The following RANBP2 variants were observed in gnomAD, a reference collection of about 807,000 sequenced individuals.
RANBP2 encodes E3 SUMO-protein ligase RanBP2.
In RANBP2, 57 loss-of-function variants were observed where a neutral mutation model predicts 303.6. The observed-to-expected ratio is 0.19, with a 90% CI of 0.15 to 0.23. The LOEUF is 0.23. RANBP2 is among the 10% of genes least tolerant of loss of function. The pLI, the probability that RANBP2 is intolerant of heterozygous loss-of-function variation, is 1.00. For missense variants in RANBP2, 3,138 were observed against 3,780.8 expected, an observed-to-expected ratio of 0.83 and a Z score of 4.46; for synonymous variants, 1,167 against 1,301.5, an observed-to-expected ratio of 0.90 and a Z score of 2.23.
rs371034684 is a variant in RANBP2 at position 108,765,784 on chromosome 2, T to G, written c.5245T>G (p.Cys1749Gly). The G allele has an allele frequency of 3.7e-6, 6 of 1,613,712 alleles. No homozygotes were observed. Among genetic ancestry groups the G allele is most frequent in the African/African-American group, 2.7e-5 (2 of 74,784 alleles). ...ASATKCIACQ[C>G]PSKQNQTTAI... Reference sequence around the variant, plus strand: ...TGCTACCAAATGTATTGCTTGTCAGTGTCCAAGTAAACAAAATCAAACAAC... The same window carrying G: ...TGCTACCAAATGTATTGCTTGTCAGGGTCCAAGTAAACAAAATCAAACAAC... Residue 1749 changes from cysteine (C) to glycine (G), a missense_variant, in exon 20 of 29, where the codon TGT (cysteine) becomes GGT (glycine). Around this residue, in one of 20 missense-constraint regions of RANBP2, gnomAD observed 348 missense variants for 360.4 expected, o/e 0.97. Transcript: ENST00000283195.
chr2:109,620,679 G>A, the RANBP2 span, among the ~76,000 whole-genome samples: 1 of 152,068 alleles, frequency 6.6e-6, no homozygotes, highest in African/African-American at 2.4e-5. Context: ...TCCAGCCTGG[G>A]CATCACAGCG....
the RANBP2 span, among the ~76,000 whole-genome samples, chr2:109,718,492 T>A: frequency 6.6e-6 from 1 of 152,210 alleles, no homozygotes; most frequent in African/African-American, 2.4e-5. Flanking sequence ...GGATTACATT[T>A]ATACAAAAGT....
the RANBP2 span, among the ~76,000 whole-genome samples, chr2:109,702,909 G>T: frequency 6.6e-6 from 1 of 151,700 alleles, no homozygotes; most frequent in African/African-American, 2.4e-5. Flanking sequence ...CCAGACCTCA[G>T]CTCCGGTATG....
the RANBP2 span, chr2:109,449,032 A>G: frequency 1.0e-5 from 10 of 1,001,250 alleles, no homozygotes; most frequent in Non-Finnish European, 1.4e-5. Flanking sequence ...TGAAGAGGCC[A>G]GGTCTGTCTG....
chr2:108,761,800 T>C (rs1676748188), intron 18 of RANBP2, among the ~76,000 whole-genome samples: 1 of 152,174 alleles, frequency 6.6e-6, no homozygotes, highest in Admixed American at 6.6e-5. Flanking sequence ...TACTGATCTT[T>C]CTTAGAAAAG....
the RANBP2 span, among the ~76,000 whole-genome samples, chr2:109,430,245 A>C: frequency 2.0e-5 from 3 of 152,248 alleles, no homozygotes; most frequent in East Asian, 5.8e-4. Flanking sequence ...CACTGAAGCA[A>C]ACTGTTTTGA....
At chr2:109,354,204 T>C in the RANBP2 span, among the ~76,000 whole-genome samples, 1 of 152,088 alleles carries the variant, frequency 6.6e-6, no homozygotes, top group African/African-American at 2.4e-5. Context: ...GGTTGGGCCC[T>C]GTGTGTGTGG....
chr2:109,625,036 G>A, the RANBP2 span, among the ~76,000 whole-genome samples: 1 of 141,842 alleles, frequency 7.1e-6, no homozygotes, highest in Non-Finnish European at 1.5e-5. Context: ...AGTGGAGATG[G>A]CACCACTGCA....
chr2:109,289,439 A>G, the RANBP2 span, among the ~76,000 whole-genome samples: 1 of 152,110 alleles, frequency 6.6e-6, no homozygotes. Flanking sequence ...GGATTTCTTG[A>G]TGCTACATGT....
At chr2:109,372,411 G>A in the RANBP2 span, among the ~76,000 whole-genome samples, 2 of 152,202 alleles carry the variant, frequency 1.3e-5, no homozygotes, top group East Asian at 1.9e-4. Context: ...GTGCACATTG[G>A]TGAGCTGACC....
chr2:109,204,618 T>TC, the RANBP2 span, among the ~76,000 whole-genome samples: 1 of 152,220 alleles, frequency 6.6e-6, no homozygotes, highest in African/African-American at 2.4e-5. Context: ...CGCCACCTAC[T>TC]CCACCACCAG....
the RANBP2 span, among the ~76,000 whole-genome samples, chr2:109,300,490 T>C: frequency 6.6e-6 from 1 of 151,984 alleles, no homozygotes; most frequent in Non-Finnish European, 1.5e-5. Context: ...GCACCCTGAG[T>C]TTTTATACCA....
At chr2:109,642,624 C>T in the RANBP2 span, among the ~76,000 whole-genome samples, 1 of 150,394 alleles carries the variant, frequency 6.6e-6, no homozygotes, top group African/African-American at 2.4e-5. Context: ...TGACGTGCAC[C>T]TGTAGGCAAC....
downstream of RANBP2, among the ~76,000 whole-genome samples, chr2:108,786,379 C>T (rs1180373472): frequency 6.6e-6 from 1 of 151,980 alleles, no homozygotes; most frequent in Non-Finnish European, 1.5e-5. Flanking sequence ...ACACGCGCGC[C>T]ACCACTCCCG....
the RANBP2 span, among the ~76,000 whole-genome samples, chr2:109,214,180 A>G: frequency 6.6e-6 from 1 of 152,204 alleles, no homozygotes; most frequent in East Asian, 1.9e-4. Context: ...AGGTGAGGCT[A>G]AGACGCAGAC....
intron 25 of RANBP2, among the ~76,000 whole-genome samples, chr2:108,778,139 A>C (rs1031313184): frequency 2.0e-5 from 3 of 152,152 alleles, no homozygotes; most frequent in African/African-American, 7.2e-5. Context: ...AAAAAATCCC[A>C]AAAAAATAGA....
At chr2:109,025,171 T>C in the RANBP2 span, among the ~76,000 whole-genome samples, 2 of 152,262 alleles carry the variant, frequency 1.3e-5, no homozygotes, top group African/African-American at 2.4e-5. Flanking sequence ...ACATGTTGTA[T>C]GTAGTGTGTA....
the RANBP2 span, among the ~76,000 whole-genome samples, chr2:109,075,579 CAA>C: frequency 0.28 from 30,288 of 109,788 alleles, 3,468 homozygotes; most frequent in Middle Eastern, 0.38. Context: ...CTTAGACAAA[CAA>C]AAAAAAAAAA....
chr2:109,452,214 C>T, the RANBP2 span, among the ~76,000 whole-genome samples: 7 of 152,214 alleles, frequency 4.6e-5, no homozygotes, highest in Non-Finnish European at 8.8e-5. Flanking sequence ...GCCAGTGTGA[C>T]CTGCACCAGC....
Sources: allele counts gnomAD v4.1 joint callset (sites outside exome capture counted in the v4.1 genomes callset), GRCh38; gene constraint gnomAD v4.1.1; regional missense constraint gnomAD v4.1.1; transcripts MANE v1.5; gene names NCBI Gene and HGNC (gene_info 2026-07-23, HGNC 2026-07-21).